The following MAN2A1 variants were observed in gnomAD, a reference collection of about 807,000 sequenced individuals.
MAN2A1 encodes the protein mannosidase alpha class 2A member 1, also known as alpha-mannosidase 2.
A neutral mutation model predicts 142.6 loss-of-function variants in MAN2A1; 76 were observed. The ratio of observed to expected loss-of-function variants is 0.53; its 90% CI spans 0.44 to 0.65. The LOEUF (loss-of-function observed/expected upper bound fraction) is 0.65, where lower values mean the gene tolerates loss of function less well. MAN2A1 is among the 30% of genes least tolerant of loss of function. The probability of loss-of-function intolerance (pLI) is 0.00; values close to 1 mark genes in which losing one functional copy is unlikely to be tolerated. For missense variants in MAN2A1, 1,311 were observed against 1,365.1 expected (o/e 0.96, Z 0.62); for synonymous variants, 559 against 473.2 (o/e 1.18, Z -2.35).
At chr5:109,797,835 G>A (rs1167464487) in intron 12 of MAN2A1, among the ~76,000 whole-genome samples, 13 of 152,066 alleles carry the variant, frequency 8.5e-5, no homozygotes, top group Non-Finnish European at 1.6e-4. Flanking sequence ...TAGAACAAAC[G>A]CTAGACTGAC....
intron 19 of MAN2A1, among the ~76,000 whole-genome samples, chr5:109,849,637 GCCTATACACATCCAC>G (rs1186667588): frequency 4.0e-5 from 6 of 151,600 alleles, no homozygotes; most frequent in Non-Finnish European, 5.9e-5. Context: ...CCTGGGTCTA[GCCTATACACATCCAC>G]CCTGTTCTCT....
At chr5:109,807,999 A>G (rs899427951) in intron 12 of MAN2A1, among the ~76,000 whole-genome samples, 1 of 152,226 alleles carries the variant, frequency 6.6e-6, no homozygotes, top group South Asian at 2.1e-4. Context: ...AACCTTTTCC[A>G]TCAACTGCAC....
chr5:109,798,279 C>T (rs750117346), intron 12 of MAN2A1, among the ~76,000 whole-genome samples: 4 of 152,108 alleles, frequency 2.6e-5, no homozygotes, highest in Non-Finnish European at 5.9e-5. Context: ...TAAAAAATAC[C>T]AACTTCTGGT....
At chr5:109,732,779 T>G (rs1341138986) in intron 4 of MAN2A1, among the ~76,000 whole-genome samples, 1 of 152,144 alleles carries the variant, frequency 6.6e-6, no homozygotes, top group Non-Finnish European at 1.5e-5. Context: ...TGTAGTATAG[T>G]TTGAAGTCAG....
At chr5:109,848,493 C>G (rs1403163633) in intron 19 of MAN2A1, among the ~76,000 whole-genome samples, 1 of 152,152 alleles carries the variant, frequency 6.6e-6, no homozygotes, top group Non-Finnish European at 1.5e-5. Context: ...AGTGATCGTA[C>G]CTTTCACTTT....
At chr5:109,751,992 A>G (rs1391579440) in intron 4 of MAN2A1, among the ~76,000 whole-genome samples, 1 of 152,142 alleles carries the variant, frequency 6.6e-6, no homozygotes, top group African/African-American at 2.4e-5. Context: ...ACTGTCATCA[A>G]AAAGCCCTGT....
At chr5:109,852,831 A>G (rs1755517698) in intron 19 of MAN2A1, among the ~76,000 whole-genome samples, 1 of 152,216 alleles carries the variant, frequency 6.6e-6, no homozygotes. Flanking sequence ...TTACCTTTGT[A>G]GAGATTAATT....
intron 1 of MAN2A1, among the ~76,000 whole-genome samples, chr5:109,698,264 C>T (rs1030113611): frequency 2.0e-5 from 3 of 152,228 alleles, no homozygotes; most frequent in African/African-American, 7.2e-5. Context: ...CGTTGCTCAG[C>T]TTGGAGGCAG....
intron 8 of MAN2A1, among the ~76,000 whole-genome samples, chr5:109,780,510 CTGTG>C (rs113661582): frequency 0.012 from 1,670 of 143,590 alleles, 16 homozygotes; most frequent in South Asian, 0.054. Context: ...CTTGCAATAT[CTGTG>C]TGTGTGTGTG....
chr5:109,718,589 A>G (rs1171741232), intron 3 of MAN2A1, among the ~76,000 whole-genome samples: 1 of 152,210 alleles, frequency 6.6e-6, no homozygotes, highest in Admixed American at 6.5e-5. Flanking sequence ...CTCATGGCCT[A>G]GCTGAACACT....
intron 17 of MAN2A1, among the ~76,000 whole-genome samples, chr5:109,844,741 C>G (rs1755303172): frequency 6.6e-6 from 1 of 152,184 alleles, no homozygotes; most frequent in Non-Finnish European, 1.5e-5. Flanking sequence ...ACTCCCATCT[C>G]TACCTCTTTT....
chr5:109,832,881 G>A (rs1405113592), intron 16 of MAN2A1, among the ~76,000 whole-genome samples: 1 of 151,496 alleles, frequency 6.6e-6, no homozygotes, highest in African/African-American at 2.4e-5. Flanking sequence ...AGACGGGGCG[G>A]CTGCCGGGCG....
intron 20 of MAN2A1, among the ~76,000 whole-genome samples, chr5:109,857,398 A>G (rs1580321923): frequency 6.6e-6 from 1 of 152,286 alleles, no homozygotes; most frequent in South Asian, 2.1e-4. Context: ...GAAAGAATAG[A>G]GTGGAGGGCA....
intron 16 of MAN2A1, chr5:109,840,576 T>C (rs1450497317): frequency 3.9e-6 from 2 of 506,654 alleles, no homozygotes; most frequent in Non-Finnish European, 7.8e-6. Flanking sequence ...GCTCTTTGTT[T>C]CCTTAACAAC....
intron 4 of MAN2A1, among the ~76,000 whole-genome samples, chr5:109,731,568 G>A (rs1252214590): frequency 1.5e-5 from 2 of 130,784 alleles, no homozygotes; most frequent in Non-Finnish European, 3.1e-5. Flanking sequence ...GTGTCCATGT[G>A]TTCTCATTGT....
At chr5:109,744,616 G>A (rs370297118) in intron 4 of MAN2A1, among the ~76,000 whole-genome samples, 6 of 152,178 alleles carry the variant, frequency 3.9e-5, no homozygotes, top group Middle Eastern at 6.8e-3. Context: ...AGATGACAAC[G>A]TCAAAAGTTG....
chr5:109,748,458 A>G (rs1018791336), intron 4 of MAN2A1, among the ~76,000 whole-genome samples: 1 of 151,948 alleles, frequency 6.6e-6, no homozygotes, highest in African/African-American at 2.4e-5. Context: ...GCTAATAGGA[A>G]CAATCAGTGT....
chr5:109,829,276 A>G (rs905447771), intron 16 of MAN2A1, among the ~76,000 whole-genome samples: 8 of 152,214 alleles, frequency 5.3e-5, no homozygotes, highest in African/African-American at 1.9e-4. Flanking sequence ...TAGCACTGTA[A>G]GTGACTGCCT....
At chr5:109,852,491 A>G (rs142249783) in intron 19 of MAN2A1, among the ~76,000 whole-genome samples, 6 of 152,348 alleles carry the variant, frequency 3.9e-5, no homozygotes, top group African/African-American at 1.4e-4. Flanking sequence ...TTTAACTCAA[A>G]GTGAGCTTAA....
Sources: gnomAD v4.1 joint callset for allele counts (sites outside exome capture counted in the v4.1 genomes callset) on GRCh38, gnomAD v4.1.1 for gene constraint, MANE v1.5 for transcripts, NCBI Gene and HGNC (gene_info 2026-07-23, HGNC 2026-07-21) for gene names.